The following ADAMTSL1 variants were observed in gnomAD, a reference collection of about 807,000 sequenced individuals.
ADAMTSL1 encodes ADAMTS-like protein 1.
A neutral mutation model predicts 201.8 loss-of-function variants in ADAMTSL1; 126 were observed. That is an observed-to-expected ratio of 0.62 (90% CI 0.54 to 0.72). The LOEUF (loss-of-function observed/expected upper bound fraction) is 0.72. Ranked by LOEUF, ADAMTSL1 falls within the 30% of genes least tolerant of loss-of-function variation. The pLI, the probability that ADAMTSL1 is intolerant of heterozygous loss-of-function variation, is 0.00. For missense variants in ADAMTSL1, 2,679 were observed against 2,277.8 expected (o/e 1.18, Z -3.59); for synonymous variants, 1,121 against 903.4 (o/e 1.24, Z -4.32).
chr9:18,016,991 T>G (rs562156680), intron 1 of ADAMTSL1, among the ~76,000 whole-genome samples: 44 of 152,168 alleles, frequency 2.9e-4, no homozygotes, highest in African/African-American at 9.4e-4. Context: ...ATATGTACCC[T>G]TATTACATCC....
At chr9:18,384,899 A>G (rs1837724228) in intron 2 of ADAMTSL1, among the ~76,000 whole-genome samples, 1 of 152,102 alleles carries the variant, frequency 6.6e-6, no homozygotes. Context: ...TTCTCTTCCA[A>G]CATGCCTTGT....
intron 2 of ADAMTSL1, among the ~76,000 whole-genome samples, chr9:18,187,078 AT>A (rs1276067274): frequency 6.6e-6 from 1 of 152,100 alleles, no homozygotes; most frequent in African/African-American, 2.4e-5. Context: ...ACCATGCTGC[AT>A]TTTCATCAGC....
chr9:18,335,353 G>A (rs913074849), intron 2 of ADAMTSL1, among the ~76,000 whole-genome samples: 9 of 151,824 alleles, frequency 5.9e-5, no homozygotes, highest in African/African-American at 2.2e-4. Context: ...GTAGAGATGG[G>A]GTCTTCCTGT....
chr9:18,622,613 G>T, intron 5 of ADAMTSL1: 1 of 591,100 alleles, frequency 1.7e-6, no homozygotes, highest in Admixed American at 3.1e-5. Flanking sequence ...CAGACATGGG[G>T]CTACAAATAC....
intron 2 of ADAMTSL1, among the ~76,000 whole-genome samples, chr9:18,287,090 C>G (rs1833019679): frequency 6.6e-6 from 1 of 152,132 alleles, no homozygotes; most frequent in African/African-American, 2.4e-5. Flanking sequence ...CATGGGTCAA[C>G]TGTGGTTGTA....
chr9:18,759,614 C>G (rs776968914), intron 16 of ADAMTSL1, among the ~76,000 whole-genome samples: 14 of 152,200 alleles, frequency 9.2e-5, no homozygotes, highest in Non-Finnish European at 1.8e-4. Context: ...TTGATCCTAT[C>G]TTTTGAGGCA....
chr9:18,839,378 G>C (rs1403112994), intron 23 of ADAMTSL1, among the ~76,000 whole-genome samples: 1 of 151,898 alleles, frequency 6.6e-6, no homozygotes, highest in African/African-American at 2.4e-5. Context: ...ATTTTTTATG[G>C]CTGCATAGTA....
intron 1 of ADAMTSL1, among the ~76,000 whole-genome samples, chr9:18,102,519 A>G (rs1483208394): frequency 6.6e-6 from 1 of 152,184 alleles, no homozygotes; most frequent in East Asian, 1.9e-4. Flanking sequence ...CTTCTACTTG[A>G]AGGATTCAGA....
At chr9:18,190,068 T>C (rs554863771) in intron 2 of ADAMTSL1, among the ~76,000 whole-genome samples, 1 of 152,316 alleles carries the variant, frequency 6.6e-6, no homozygotes, top group Non-Finnish European at 1.5e-5. Flanking sequence ...TTTGTATAAG[T>C]AACCTCTAAG....
At chr9:18,150,186 A>T (rs2132040038) in intron 1 of ADAMTSL1, among the ~76,000 whole-genome samples, 1 of 152,190 alleles carries the variant, frequency 6.6e-6, no homozygotes, top group South Asian at 2.1e-4. Flanking sequence ...GGTTATGAAA[A>T]AGATTTCCAG....
chr9:18,696,796 T>C (rs374057580), intron 13 of ADAMTSL1, among the ~76,000 whole-genome samples: 17 of 151,954 alleles, frequency 1.1e-4, no homozygotes, highest in Admixed American at 9.8e-4. Context: ...AGTAGTACTA[T>C]TAAAATATAA....
intron 7 of ADAMTSL1, among the ~76,000 whole-genome samples, chr9:18,641,257 CT>C (rs1351812882): frequency 2.6e-5 from 4 of 152,104 alleles, no homozygotes; most frequent in African/African-American, 4.8e-5. Flanking sequence ...AAATTTCTGT[CT>C]GTATCTCCCC....
intron 2 of ADAMTSL1, among the ~76,000 whole-genome samples, chr9:18,291,747 TCACACACACACA>T (rs368988848): frequency 9.0e-5 from 9 of 99,806 alleles, no homozygotes; most frequent in Non-Finnish European, 1.4e-4. Context: ...TCTCTCTCTC[TCACACACACACA>T]CACACACACA....
chr9:18,021,447 T>C (rs1820477697), intron 1 of ADAMTSL1, among the ~76,000 whole-genome samples: 1 of 152,122 alleles, frequency 6.6e-6, no homozygotes, highest in South Asian at 2.1e-4. Context: ...TTAATTTATC[T>C]TTTCATGTGA....
intron 1 of ADAMTSL1, among the ~76,000 whole-genome samples, chr9:17,977,265 G>A (rs1197168213): frequency 6.6e-6 from 1 of 151,900 alleles, no homozygotes; most frequent in African/African-American, 2.4e-5. Context: ...TGTTCATCAG[G>A]GCTGTTGGCC....
intron 16 of ADAMTSL1, among the ~76,000 whole-genome samples, chr9:18,766,442 G>A (rs1255853145): frequency 1.3e-5 from 2 of 152,096 alleles, no homozygotes; most frequent in Admixed American, 6.5e-5. Context: ...AGACAATATG[G>A]GGTTTCCAAC....
intron 2 of ADAMTSL1, among the ~76,000 whole-genome samples, chr9:18,242,305 CA>C (rs961936035): frequency 2.6e-5 from 4 of 152,008 alleles, no homozygotes; most frequent in Admixed American, 6.6e-5. Context: ...TCAACAAAGT[CA>C]AAAATCCTTT....
intron 5 of ADAMTSL1, among the ~76,000 whole-genome samples, chr9:18,634,865 A>T (rs978813775): frequency 8.4e-5 from 12 of 143,322 alleles, no homozygotes; most frequent in African/African-American, 2.9e-4. Flanking sequence ...GTAAATATAT[A>T]TATATATATT....
chr9:18,887,487 G>T (rs1828972921), intron 23 of ADAMTSL1, among the ~76,000 whole-genome samples: 1 of 151,886 alleles, frequency 6.6e-6, no homozygotes, highest in Admixed American at 6.6e-5. Context: ...ATTTCTGTCA[G>T]AAAAAAATCA....
Sources: gnomAD v4.1 joint callset for allele counts (sites outside exome capture counted in the v4.1 genomes callset) on GRCh38, gnomAD v4.1.1 for gene constraint, MANE v1.5 for transcripts, NCBI Gene and HGNC (gene_info 2026-07-23, HGNC 2026-07-21) for gene names.